HERC1: variants seen among roughly 807,000 people sequenced by gnomAD.
HERC1 encodes HECT and RLD domain containing E3 ubiquitin protein ligase family member 1, also known as probable E3 ubiquitin-protein ligase HERC1.
Under a neutral mutation model 554.3 loss-of-function variants are expected in HERC1, and 160 were observed. The observed-to-expected ratio is 0.29, with a 90% CI of 0.25 to 0.33. HERC1 has a LOEUF of 0.33. Ranked by LOEUF, HERC1 falls within the 10% of genes least tolerant of loss-of-function variation. HERC1 has a pLI of 1.00. For missense variants in HERC1, 4,919 were observed against 5,918.5 expected (o/e 0.83, Z 5.54); for synonymous variants, 2,175 against 2,131.7 (o/e 1.02, Z -0.56).
At chr15:63,822,339 A>G (rs1297555054) in intron 1 of HERC1, among the ~76,000 whole-genome samples, 2 of 152,184 alleles carry the variant, frequency 1.3e-5, no homozygotes, top group South Asian at 4.1e-4. Flanking sequence ...CAATCCCAGC[A>G]CTTTGGGAAG....
At chr15:63,824,975 G>C (rs2077839707) in intron 1 of HERC1, among the ~76,000 whole-genome samples, 1 of 152,074 alleles carries the variant, frequency 6.6e-6, no homozygotes, top group Non-Finnish European at 1.5e-5. Flanking sequence ...GAACAAAGTT[G>C]CAGTTATGTA....
At chr15:63,653,378 G>T in intron 51 of HERC1, among the ~76,000 whole-genome samples, 1 of 148,512 alleles carries the variant, frequency 6.7e-6, no homozygotes, top group South Asian at 2.1e-4. Context: ...GGGAGGCGGG[G>T]ACTACAGTGA....
At chr15:63,808,905 T>C (rs1317480310) in intron 1 of HERC1, among the ~76,000 whole-genome samples, 1 of 152,214 alleles carries the variant, frequency 6.6e-6, no homozygotes, top group Non-Finnish European at 1.5e-5. Context: ...GCCTACATCA[T>C]GACAATCAAC....
At chr15:63,640,774 C>T (rs189146115) in intron 60 of HERC1, among the ~76,000 whole-genome samples, 146 of 152,254 alleles carry the variant, frequency 9.6e-4, no homozygotes, top group African/African-American at 3.5e-3. Context: ...CTTTTCTGCT[C>T]CAGGATCCAA....
At chr15:63,761,143 A>C (rs2075597989) in intron 3 of HERC1, among the ~76,000 whole-genome samples, 2 of 152,236 alleles carry the variant, frequency 1.3e-5, no homozygotes, top group Admixed American at 6.5e-5. Flanking sequence ...AAAACTCTGA[A>C]ATCTTGTTCT....
rs145926362 is a variant in HERC1, at chr15:63,665,710, G to A, written c.8555+209C>T. On this transcript the variant is annotated intron_variant, in intron 42 of 77. Coordinates refer to ENST00000443617, the MANE Select transcript of HERC1 (RefSeq NM_003922.4). ...ACACAAAAATTATGAAATTTCTTCT[G>A]GCATGAAAACACCTACTCAAATCAA... is the stretch of plus-strand genomic sequence containing the variant. Among the ~76,000 whole-genome samples, 1,283 of 152,044 alleles carry A rather than the reference G, an allele frequency of 8.4e-3. 8 individuals carry two copies. The highest frequency in any genetic ancestry group is 0.014 in the Middle Eastern group (4 of 294).
rs370346330 is a variant in HERC1 at position 63,609,096 on chromosome 15, G to A, written c.14571C>T (p.Ser4857=). ...LSRNVDNAEG[S]DTDY is the part of the protein sequence containing the mutation. ...ACCCGCACGGTCAGTAGTCAGTGTC[G>A]GAGCCCTCGGCGTTGTCCACGTTTC... The change falls in exon 78 of 78, where the codon TCC becomes TCT. Residue 4857 remains serine, a synonymous_variant. Coordinates refer to ENST00000443617, the MANE Select transcript of HERC1 (RefSeq NM_003922.4). 157 of 1,613,450 alleles carry A rather than the reference G, an allele frequency of 9.7e-5. No individual in the cohort carries two copies. The African/African-American group carries it at 1.2e-3, about 12-fold the overall frequency.
chr15:63,628,314 T>C (rs752350833), intron 70 of HERC1, among the ~76,000 whole-genome samples: 1 of 152,056 alleles, frequency 6.6e-6, no homozygotes, highest in African/African-American at 2.4e-5. Context: ...CATTTGAACC[T>C]GGGAGGCGGA....
In HERC1 at chr15:63,734,600, C is replaced by CA. The variant is rs1260293521; in HGVS notation, c.2646+123dup. ...AAGACAACTGGGAATTCTTCCAGCA[C>CA]AACACATTAACCCATCAAGTACTTA... On this transcript the variant is annotated intron_variant, in intron 13 of 77. Transcript: ENST00000443617. The surrounding 1 kb of genome is among the most constrained non-coding windows in gnomAD (Gnocchi z 4.6). 1 of 710,468 alleles carries CA rather than the reference C, an allele frequency of 1.4e-6. No homozygotes were observed. The highest frequency in any genetic ancestry group is 1.9e-5 in the African/African-American group (1 of 53,484). 44.0% of individuals were successfully genotyped at this position (710,468 alleles called of 1,614,324 possible).
intron 1 of HERC1, among the ~76,000 whole-genome samples, chr15:63,802,233 C>T (rs2077014918): frequency 6.6e-6 from 1 of 152,164 alleles, no homozygotes; most frequent in African/African-American, 2.4e-5. Flanking sequence ...CATTAAACCA[C>T]ACAAATTATC....
intron 47 of HERC1, among the ~76,000 whole-genome samples, chr15:63,659,185 T>C (rs577191280): frequency 1.3e-5 from 2 of 152,326 alleles, no homozygotes; most frequent in East Asian, 3.9e-4. Context: ...CAAGTTTTTT[T>C]TTAAATAACA....
At chr15:63,732,903 T>C (rs1353353337) in intron 14 of HERC1, 21 bp downstream of exon 14, 5 of 1,472,716 alleles carry the variant, frequency 3.4e-6, no homozygotes, top group Non-Finnish European at 4.7e-6. Flanking sequence ...CTTTTTTTAC[T>C]ACAATGAAAG....
chr15:63,726,501 A>G lies in HERC1; in HGVS notation c.3347-988T>C, dbSNP rs1403667640. ...AGATGGCACAAATTCAAAAAATAGG[A>G]ATAAACAGGATATAACCATAGATAT... On this transcript the variant is annotated intron_variant, in intron 17 of 77. Coordinates refer to ENST00000443617, the MANE Select transcript of HERC1 (RefSeq NM_003922.4). 9.8e-5 allele frequency among the ~76,000 whole-genome samples: 15 copies of G among 152,336 alleles called. No individual in the cohort carries two copies. The South Asian group carries it at 2.9e-3, about 29-fold the overall frequency.
chr15:63,794,212 T>C lies in HERC1; in HGVS notation c.-26-18563A>G, dbSNP rs556968638. ...CCTTGGGGCTGTTCTGTCTATGGAG[T>C]AGCCATTCTTTCATTCCTTTACTTT... On this transcript the variant is annotated intron_variant, in intron 1 of 77. Transcript: ENST00000443617. 2.0e-5 allele frequency among the ~76,000 whole-genome samples: 3 copies of C among 151,754 alleles called. No homozygotes were observed. In the East Asian group the frequency reaches 5.9e-4, roughly 30 times the overall value.
rs142656764 is a variant in HERC1 at position 63,659,089 on chromosome 15, A to T, written c.9425-371T>A. On this transcript the variant is annotated intron_variant, in intron 47 of 77. Coordinates refer to ENST00000443617, the MANE Select transcript of HERC1 (RefSeq NM_003922.4). ...CCCAATTCTTTATTTTGTATTCCCT[A>T]TACCAAAAATTTACCACACCCTCTC... 2.7e-3 allele frequency among the ~76,000 whole-genome samples: 408 copies of T among 152,296 alleles called. 4 individuals are homozygous for T. The highest frequency in any genetic ancestry group is 9.5e-3 in the African/African-American group (393 of 41,548).
chr15:63,745,632 G>T (rs2075027672), intron 12 of HERC1, among the ~76,000 whole-genome samples: 1 of 152,222 alleles, frequency 6.6e-6, no homozygotes, highest in Non-Finnish European at 1.5e-5. Context: ...GCTGCAGGGG[G>T]AGGAGTGGCA....
At position 63,718,971 on chromosome 15, in the gene HERC1, G is replaced by T; in HGVS notation, c.3743-74C>A. 1.1e-6 allele frequency: 1 copy of T among 941,488 alleles called. No individual in the cohort carries two copies. The highest frequency in any genetic ancestry group is 1.6e-6 in the Non-Finnish European group (1 of 613,804). 58.3% of individuals were successfully genotyped at this position (941,488 alleles called of 1,614,324 possible). ...TTCAGAGGTAATTTTTATAGCTTTA[G>T]TCATCCAACACCTGAATTTTATCAT... On this transcript the variant is annotated intron_variant, in intron 19 of 77. Transcript: ENST00000443617. The surrounding 1 kb of genome is among the most constrained non-coding windows in gnomAD (Gnocchi z 4.2).
At chr15:63,620,322 C>A (rs1372976127) in intron 74 of HERC1, among the ~76,000 whole-genome samples, 1 of 152,040 alleles carries the variant, frequency 6.6e-6, no homozygotes, top group African/African-American at 2.4e-5. Context: ...GTTTCTTAAT[C>A]CTGAGTTCTA....
rs569657578 is a variant in HERC1, at chr15:63,628,897, G to A, written c.12967-82C>T. 4.7e-5 allele frequency: 63 copies of A among 1,347,034 alleles called. No individual in the cohort carries two copies. The African/African-American group carries it at 7.2e-4, about 15-fold the overall frequency. The allele number at this position is 1,347,034 out of a possible 1,614,324, so 83.4% of individuals were successfully genotyped here. On this transcript the variant is annotated intron_variant, in intron 69 of 77. Coordinates refer to ENST00000443617, the MANE Select transcript of HERC1 (RefSeq NM_003922.4). ...CAATATGAAATTTTTCTTAGATGGT[G>A]GCAGACATAAATAAGTTAATAACTG...
Sources: gnomAD v4.1 joint callset for allele counts (sites outside exome capture counted in the v4.1 genomes callset) on GRCh38, gnomAD v4.1.1 for gene constraint, Gnocchi (gnomAD v3.1) non-coding constraint, MANE v1.5 for transcripts, NCBI Gene and HGNC (gene_info 2026-07-23, HGNC 2026-07-21) for gene names.